PTRH1: variants seen among roughly 807,000 people sequenced by gnomAD.
PTRH1 encodes the protein peptidyl-tRNA hydrolase 1 homolog.
PTRH1 carries 13 observed loss-of-function variants against 15.7 expected under a neutral mutation model. That is an observed-to-expected ratio of 0.83 (90% confidence interval 0.54 to 1.31). PTRH1 has a LOEUF of 1.31. Among genes scored for constraint, PTRH1 ranks in the 40% most tolerant of loss-of-function variants. The pLI, the probability that PTRH1 is intolerant of heterozygous loss-of-function variation, is 0.00. For synonymous variants in PTRH1, 139 were observed against 136.7 expected (o/e 1.02, Z -0.12); for missense variants, 319 against 296.2 (o/e 1.08, Z -0.56).
At chr9:127,704,106 G>T (rs553926902) in intron 1 of PTRH1, among the ~76,000 whole-genome samples, 1 of 152,312 alleles carries the variant, frequency 6.6e-6, no homozygotes, top group South Asian at 2.1e-4. Context: ...ACACAGAGCT[G>T]GGGGGTTAGG....
At chr9:127,711,236 A>G, downstream of PTRH1, 2 of 1,613,814 alleles carry the variant, frequency 1.2e-6, no homozygotes, top group Non-Finnish European at 1.7e-6. Context: ...CAGACTGAGG[A>G]AAGAGATCAT....
At chr9:127,708,505 T>TA in intron 1 of PTRH1, among the ~76,000 whole-genome samples, 1 of 152,068 alleles carries the variant, frequency 6.6e-6, no homozygotes, top group East Asian at 1.9e-4. Context: ...TTAATTTAAT[T>TA]AAAAAAAACT....
At chr9:127,710,771 C>A (rs1329253573), downstream of PTRH1, 2 of 1,555,568 alleles carry the variant, frequency 1.3e-6, no homozygotes, top group Admixed American at 1.9e-5. Context: ...AAGCGGGGCA[C>A]CCTTTGGGGC....
chr9:127,702,201 G>A (rs900849084), intron 1 of PTRH1, among the ~76,000 whole-genome samples: 2 of 151,930 alleles, frequency 1.3e-5, no homozygotes, highest in African/African-American at 4.8e-5. Flanking sequence ...GTGAAACCCT[G>A]TCTCTACTAA....
At position 127,695,082 on chromosome 9, in the gene PTRH1, GAT is replaced by G; in HGVS notation, c.263_264del (p.His88ProfsTer56). ...TGATGATGATGATGATGATGATGAT[GAT>G]GATGATGATGGTGATGATGATGATG... is the stretch of plus-strand genomic sequence containing the variant. On this transcript the variant is annotated frameshift_variant, in exon 2 of 3. Coordinates refer to the PTRH1 transcript ENST00000335223. LOFTEE classifies it high-confidence loss of function. 1 of 702,466 alleles carries G rather than the reference GAT, an allele frequency of 1.4e-6. No homozygotes were observed. The highest frequency in any genetic ancestry group is 1.7e-5 in the African/African-American group (1 of 57,232). The allele number at this position is 702,466 out of a possible 1,614,324, so 43.5% of individuals were successfully genotyped here.
At chr9:127,702,304 T>A (rs1021817226) in intron 1 of PTRH1, among the ~76,000 whole-genome samples, 2 of 140,594 alleles carry the variant, frequency 1.4e-5, no homozygotes, top group African/African-American at 5.4e-5. Context: ...ACCCAGGAGG[T>A]GGAGCTTGCA....
chr9:127,707,005 G>C (rs775809287), intron 1 of PTRH1: 18 of 1,611,812 alleles, frequency 1.1e-5, no homozygotes, highest in Non-Finnish European at 1.5e-5. Context: ...CTCTTCCTGG[G>C]GCCTGGAGCC....
chr9:127,697,538 G>A (rs1263591593), intron 1 of PTRH1, among the ~76,000 whole-genome samples: 1 of 152,180 alleles, frequency 6.6e-6, no homozygotes, highest in East Asian at 1.9e-4. Flanking sequence ...GCTTGTGCCT[G>A]TAATCCCAGC....
At chr9:127,694,618 G>A (rs909494486) in intron 2 of PTRH1, among the ~76,000 whole-genome samples, 4 of 151,770 alleles carry the variant, frequency 2.6e-5, no homozygotes, top group Admixed American at 6.6e-5. Flanking sequence ...GGAGGAGCAG[G>A]GAATTCCAGG....
At chr9:127,710,842 T>TG (rs1842749925), downstream of PTRH1, 4 of 1,438,938 alleles carry the variant, frequency 2.8e-6, no homozygotes, top group African/African-American at 1.4e-5. Context: ...AGCTTCTAAC[T>TG]GGGGGGTTAG....
chr9:127,712,800 C>G (rs776985946), downstream of PTRH1: 9 of 1,614,184 alleles, frequency 5.6e-6, no homozygotes, highest in Non-Finnish European at 7.6e-6. Flanking sequence ...ATGCTCAGCT[C>G]CACTGTGGCC....
At chr9:127,709,755 T>G, downstream of PTRH1, 1 of 1,542,894 alleles carries the variant, frequency 6.5e-7, no homozygotes, top group South Asian at 1.2e-5. This position sits in a 1 kb window ranked among gnomAD's most constrained non-coding sequence, Gnocchi z 4.7. Context: ...ACTGACCCTG[T>G]TTCTCACCTG....
Position 127,706,950 on chromosome 9 carries a change from G to C in PTRH1, c.205+8485C>G, listed in dbSNP as rs972172081. 1.7e-5 allele frequency: 26 copies of C among 1,527,916 alleles called. No homozygotes were observed. In the Admixed American group the frequency reaches 4.9e-4, roughly 29 times the overall value. The allele number at this position is 1,527,916 out of a possible 1,614,324, so 94.6% of individuals were successfully genotyped here. ...CTTTAAGCCCAGCCTCACTCCCTCG[G>C]CCTGTTGCTATGTACGGGACCAGCT... On this transcript the variant is annotated intron_variant, in intron 1 of 2. Transcript: ENST00000335223.
In PTRH1 at chr9:127,705,741, C is replaced by T. The variant is rs944411277; in HGVS notation, c.205+9694G>A. 6.6e-6 allele frequency among the ~76,000 whole-genome samples: 1 copy of T among 152,242 alleles called. No homozygotes were observed. Among genetic ancestry groups the T allele is most frequent in the African/African-American group, 2.4e-5 (1 of 41,466 alleles). ...GGGCAATGTCCAGCAGGAGCAGGGC[C>T]ATCGCATTGAGCTGGAAGGGCACTG... On this transcript the variant is annotated intron_variant, in intron 1 of 2. Coordinates refer to the PTRH1 transcript ENST00000335223. This position sits in a 1 kb window ranked among gnomAD's most constrained non-coding sequence, Gnocchi z 4.7.
chr9:127,711,069 G>C (rs1056599222), downstream of PTRH1, among the ~76,000 whole-genome samples: 3 of 152,278 alleles, frequency 2.0e-5, no homozygotes, highest in Middle Eastern at 3.4e-3. Context: ...AGGTCCAGAG[G>C]ATCTACAGGG....
downstream of PTRH1, chr9:127,709,694 G>A (rs1291936554): frequency 1.1e-5 from 17 of 1,612,186 alleles, no homozygotes; most frequent in Non-Finnish European, 1.4e-5. The surrounding 1 kb of genome is among the most constrained non-coding windows in gnomAD (Gnocchi z 4.7). Context: ...ATCATCCTTG[G>A]TGAGGAGGGG....
downstream of PTRH1, chr9:127,710,663 A>T (rs1285341177): frequency 6.3e-7 from 1 of 1,585,516 alleles, no homozygotes; most frequent in South Asian, 1.2e-5. Context: ...GGACAAGTTC[A>T]CATTGCTGGA....
Position 127,713,929 on chromosome 9 carries a change from C to T in PTRH1, c.*171G>A, listed in dbSNP as rs771007236. On this transcript the variant is annotated 3_prime_UTR_variant, in exon 5 of 5. Transcript: ENST00000543175. The stretch of plus-strand genomic sequence containing the variant: ...AGGACACAGAGAGAAGAACCTACTC[C>T]AGAAATGGACTGGTCCAGTCACAGT... 1.5e-5 allele frequency: 24 copies of T among 1,604,664 alleles called. No homozygotes were observed. The highest frequency in any genetic ancestry group is 1.6e-4 in the Middle Eastern group (1 of 6,070).
At chr9:127,712,378 A>G (rs1387765071), downstream of PTRH1, 1 of 1,611,668 alleles carries the variant, frequency 6.2e-7, no homozygotes, top group Admixed American at 1.7e-5. Context: ...GGGAGGGCGC[A>G]AGGGGAGGGG....
Sources: gnomAD v4.1 joint callset for allele counts (sites outside exome capture counted in the v4.1 genomes callset) on GRCh38, gnomAD v4.1.1 for gene constraint, Gnocchi (gnomAD v3.1) non-coding constraint, MANE v1.5 for transcripts, NCBI Gene and HGNC (gene_info 2026-07-23, HGNC 2026-07-21) for gene names.